SPTLC2: variants seen among roughly 807,000 people sequenced by gnomAD.
SPTLC2 encodes the protein serine palmitoyltransferase 2.
SPTLC2 carries 21 observed loss-of-function variants against 62.0 expected under a neutral mutation model. The ratio of observed to expected loss-of-function variants is 0.34; its 90% CI spans 0.24 to 0.49. The LOEUF is 0.49. Ranked by LOEUF, SPTLC2 falls within the 20% of genes least tolerant of loss-of-function variation. The pLI is 0.99. For synonymous variants in SPTLC2, 261 were observed against 261.8 expected (o/e 1.00, Z 0.03); for missense variants, 511 against 713.0 (o/e 0.72, Z 3.23).
intron 11 of SPTLC2, among the ~76,000 whole-genome samples, chr14:77,517,606 A>G (rs1045304995): frequency 9.9e-5 from 15 of 152,236 alleles, no homozygotes. Context: ...GGAGAATCTC[A>G]GGATTCCAAG....
At chr14:77,601,076 A>C (rs1015688136) in intron 1 of SPTLC2, among the ~76,000 whole-genome samples, 1 of 152,222 alleles carries the variant, frequency 6.6e-6, no homozygotes, top group African/African-American at 2.4e-5. Flanking sequence ...ACAAGATGGC[A>C]TATTTTTTGT....
intron 3 of SPTLC2, among the ~76,000 whole-genome samples, chr14:77,577,877 G>T (rs181740880): frequency 6.6e-6 from 1 of 152,320 alleles, no homozygotes; most frequent in Non-Finnish European, 1.5e-5. Flanking sequence ...TCCAGCCTGG[G>T]TGACAGAGCA....
chr14:77,556,721 G>T (rs2079586004), intron 7 of SPTLC2, among the ~76,000 whole-genome samples: 1 of 124,430 alleles, frequency 8.0e-6, no homozygotes, highest in Non-Finnish European at 1.9e-5. Flanking sequence ...AAATTAAATG[G>T]TGTGTAATTT....
intron 3 of SPTLC2, 65 bp downstream of exon 3, chr14:77,578,890 A>AT: frequency 6.5e-7 from 1 of 1,549,754 alleles, no homozygotes; most frequent in Non-Finnish European, 8.9e-7. Flanking sequence ...TTATAATAAC[A>AT]TATTTTCTCA....
chr14:77,604,925 G>A (rs894958335), intron 1 of SPTLC2, among the ~76,000 whole-genome samples: 2 of 150,808 alleles, frequency 1.3e-5, no homozygotes, highest in African/African-American at 4.9e-5. Context: ...TGCTAATCTG[G>A]AAAGCTATAA....
intron 8 of SPTLC2, among the ~76,000 whole-genome samples, chr14:77,553,193 C>T (rs2079564474): frequency 6.6e-6 from 1 of 152,134 alleles, no homozygotes; most frequent in Non-Finnish European, 1.5e-5. Flanking sequence ...CTTTAAAATG[C>T]ACACACAAGA....
chr14:77,607,749 T>TA (rs1041087306), intron 1 of SPTLC2, among the ~76,000 whole-genome samples: 3 of 152,222 alleles, frequency 2.0e-5, no homozygotes, highest in Non-Finnish European at 4.4e-5. Flanking sequence ...TTTCCTCTAC[T>TA]AAGAAAATGG....
At chr14:77,569,394 G>A (rs1355805564) in intron 5 of SPTLC2, among the ~76,000 whole-genome samples, 1 of 151,988 alleles carries the variant, frequency 6.6e-6, no homozygotes, top group African/African-American at 2.4e-5. Context: ...CTTGCTGTTT[G>A]TTTTCTATTT....
Position 77,507,716 on chromosome 14 carries a change from A to G in SPTLC2, c.*4568T>C, listed in dbSNP as rs2079312560. On this transcript the variant is annotated 3_prime_UTR_variant, in exon 12 of 12. Coordinates refer to ENST00000216484, the MANE Select transcript of SPTLC2 (RefSeq NM_004863.4). ...GGAAGGTATTTTTTAAACTGGTTTA[A>G]TGTATTAAGATGGCTGCTGGGCACT... 1 of 152,172 alleles carries G rather than the reference A, an allele frequency of 6.6e-6. No individual in the cohort carries two copies. Among genetic ancestry groups the G allele is most frequent in the Admixed American group, 6.5e-5 (1 of 15,276 alleles). The allele number at this position is 152,172 out of a possible 1,614,324, so 9.4% of individuals were successfully genotyped here.
At chr14:77,599,571 T>G (rs1203095098) in intron 1 of SPTLC2, among the ~76,000 whole-genome samples, 1 of 152,196 alleles carries the variant, frequency 6.6e-6, no homozygotes, top group Non-Finnish European at 1.5e-5. Context: ...GCATGGAAGA[T>G]GGATGGAATC....
Position 77,512,262 on chromosome 14 carries a change from T to C in SPTLC2, c.*22A>G, listed in dbSNP as rs746215787. The C allele has an allele frequency of 6.2e-7, 1 of 1,613,296 alleles. No homozygotes were observed. The highest frequency in any genetic ancestry group is 8.5e-7 in the Non-Finnish European group (1 of 1,180,006). On this transcript the variant is annotated 3_prime_UTR_variant, in exon 12 of 12. Coordinates refer to ENST00000216484, the MANE Select transcript of SPTLC2 (RefSeq NM_004863.4). ...GCTGTCCTGGGTGAGGGAGAGTTCC[T>C]CTGAGGGAGCACCAAAAAGGCTCAG... is the stretch of plus-strand genomic sequence containing the variant.
At chr14:77,547,189 T>C (rs1002744126) in intron 9 of SPTLC2, among the ~76,000 whole-genome samples, 13 of 138,564 alleles carry the variant, frequency 9.4e-5, no homozygotes, top group South Asian at 2.4e-4. Flanking sequence ...TTTTTTTTTT[T>C]CCAAACAACA....
chr14:77,579,178 A>G, intron 2 of SPTLC2, 69 bp from the exon 3 acceptor site: 1 of 1,520,880 alleles, frequency 6.6e-7, no homozygotes, highest in Non-Finnish European at 9.0e-7. Context: ...TTAACAGATG[A>G]CATGATCTTT....
rs150119574 is a variant in SPTLC2 at position 77,613,967 on chromosome 14, G to A, written c.132+2481C>T. On this transcript the variant is annotated intron_variant, in intron 1 of 11. Coordinates refer to ENST00000216484, the MANE Select transcript of SPTLC2 (RefSeq NM_004863.4). ...AGACAATATTCCTCCATCTGAGAGT[G>A]TAGAAAGCTCCAGATCTGAAGTCTG... Among the ~76,000 whole-genome samples the A allele has an allele frequency of 3.9e-3, 593 of 152,350 alleles. 4 individuals carry two copies. The highest frequency in any genetic ancestry group is 0.014 in the African/African-American group (565 of 41,572).
At chr14:77,565,242 CAAAAAAAAAAAA>C (rs59356054) in intron 5 of SPTLC2, among the ~76,000 whole-genome samples, 34 of 33,706 alleles carry the variant, frequency 1.0e-3, no homozygotes, top group African/African-American at 3.1e-3. Context: ...AACTCCATCT[CAAAAAAAAAAAA>C]AAAAAAAAAA....
At chr14:77,543,594 T>C (rs987364563) in intron 9 of SPTLC2, among the ~76,000 whole-genome samples, 2 of 152,212 alleles carry the variant, frequency 1.3e-5, no homozygotes, top group South Asian at 4.1e-4. Context: ...TTGTAGGTTA[T>C]GTACTAAGTA....
chr14:77,555,366 C>T lies in SPTLC2; in HGVS notation c.1110G>A (p.Val370=), dbSNP rs1435587745. ...TTGTGAACGTTCCCATCATAACATC[C>T]ACATCCTCGGGATCCAGGCCAAAGT... is the stretch of plus-strand genomic sequence containing the variant. The part of the protein sequence containing the change: ...VEYFGLDPED[V]DVMMGTFTKS... Residue 370 remains valine, a synonymous_variant, in exon 8 of 12, where the codon GTG becomes GTA. Transcript: ENST00000216484. 2 of 1,614,084 alleles carry T rather than the reference C, an allele frequency of 1.2e-6. No individual in the cohort carries two copies. The highest frequency in any genetic ancestry group is 2.2e-5 in the South Asian group (2 of 91,076).
chr14:77,592,977 A>C (rs6574385), intron 2 of SPTLC2, among the ~76,000 whole-genome samples: 124,192 of 151,814 alleles, frequency 0.82, 50,989 homozygotes, highest in East Asian at 1. Flanking sequence ...GTGGTGCATG[A>C]CTGTAATTCC....
intron 9 of SPTLC2, among the ~76,000 whole-genome samples, chr14:77,546,479 AG>A (rs1246111163): frequency 2.0e-5 from 3 of 152,186 alleles, no homozygotes; most frequent in African/African-American, 2.4e-5. Flanking sequence ...TTAAGGTTTT[AG>A]GGGAGTGGGA....
Sources: gnomAD v4.1 joint callset for allele counts (sites outside exome capture counted in the v4.1 genomes callset) on GRCh38, gnomAD v4.1.1 for gene constraint, MANE v1.5 for transcripts, NCBI Gene and HGNC (gene_info 2026-07-23, HGNC 2026-07-21) for gene names.